The following TPM1 variants were observed in gnomAD, a reference collection of about 807,000 sequenced individuals.
TPM1 encodes tropomyosin 1, also known as tropomyosin alpha-1 chain.
A neutral mutation model predicts 42.9 loss-of-function variants in TPM1; 24 were observed. The ratio of observed to expected loss-of-function variants is 0.56; its 90% CI spans 0.41 to 0.79. The LOEUF (loss-of-function observed/expected upper bound fraction) is 0.79. TPM1 is among the 30% of genes least tolerant of loss of function. TPM1 has a pLI of 0.00. For synonymous variants in TPM1, 136 were observed against 130.1 expected, an observed-to-expected ratio of 1.05 and a Z score of -0.31; for missense variants, 158 against 351.8, an observed-to-expected ratio of 0.45 and a Z score of 4.41.
In TPM1 at chr15:63,043,877, T is replaced by C. The variant is rs938400743; in HGVS notation, c.115-150T>C. 3 of 1,550,338 alleles carry C rather than the reference T, an allele frequency of 1.9e-6. No individual in the cohort carries two copies. The African/African-American group carries it at 4.1e-5, about 21-fold the overall frequency. On this transcript the variant is annotated intron_variant, in intron 1 of 9. Coordinates refer to ENST00000403994, the MANE Select transcript of TPM1 (RefSeq NM_001018005.2). ...GGCGTGGCGCACGAATGGCTAACTC[T>C]TTCTCTTTCTCTCTCTCCCTCCCTG...
intron 8 of TPM1, chr15:63,062,905 G>T: frequency 1.4e-6 from 2 of 1,465,622 alleles, no homozygotes; most frequent in Non-Finnish European, 1.8e-6. Context: ...AGTGTGGCAG[G>T]TTTATTTTTC....
Position 63,066,033 on chromosome 15 carries a change from C to T in TPM1, c.*134C>T. 1.3e-6 allele frequency: 2 copies of T among 1,547,910 alleles called. No individual in the cohort carries two copies. Among genetic ancestry groups the T allele is most frequent in the Non-Finnish European group, 1.7e-6 (2 of 1,147,878 alleles). ...ATCCTGCCTTAGAGCCAGGCACACA[C>T]TGTGCTTTCTATTGTACAGAAGCTC... On this transcript the variant is annotated 3_prime_UTR_variant, in exon 10 of 10. Transcript: ENST00000403994.
At chr15:63,069,841 T>C (rs754561804), downstream of TPM1, 4 of 1,613,876 alleles carry the variant, frequency 2.5e-6, no homozygotes, top group Non-Finnish European at 3.4e-6. Flanking sequence ...CTGCCTCTTT[T>C]CTGCTAACCT....
downstream of TPM1, among the ~76,000 whole-genome samples, chr15:63,066,980 C>T (rs2036313170): frequency 6.6e-6 from 1 of 151,820 alleles, no homozygotes; most frequent in South Asian, 2.1e-4. Flanking sequence ...ATTTCACAAA[C>T]AGCAATTAAG....
intron 9 of TPM1, 50 bp from the exon 10 acceptor site, chr15:63,065,846 T>TC: frequency 6.4e-7 from 1 of 1,572,820 alleles, no homozygotes. Flanking sequence ...TTTTTTTTTT[T>TC]TCTCATTGTG....
chr15:63,064,508 T>C, intron 9 of TPM1: 1 of 1,100,210 alleles, frequency 9.1e-7, no homozygotes. Context: ...TCAAAATTTG[T>C]TTCCTGAAAT....
At position 63,062,576 on chromosome 15, in the gene TPM1, G is replaced by A. The variant is rs2035787414; in HGVS notation, c.703G>A (p.Ala235Thr). The A allele has an allele frequency of 2.5e-6, 4 of 1,614,148 alleles. No individual in the cohort carries two copies. Among genetic ancestry groups the A allele is most frequent in the Non-Finnish European group, 2.5e-6 (3 of 1,180,006 alleles). ...CTTTAACTCAAATAAATCATTACAG[G>A]CTGAGACTCGGGCTGAGTTTGCGGA... ...IKVLSDKLKE[A>T]ETRAEFAERS... The change falls in exon 8 of 10, where the codon GCT (alanine) becomes ACT (threonine). Residue 235 changes from alanine to threonine, a missense_variant and splice_region_variant. Physicochemically the swap from Ala to Thr is moderately conservative, Grantham distance 58. Around this residue, in one of 4 missense-constraint regions of TPM1, gnomAD observed 64 missense variants for 95.8 expected, o/e 0.67. Coordinates refer to ENST00000403994, the MANE Select transcript of TPM1 (RefSeq NM_001018005.2).
intron 9 of TPM1, 195 bp downstream of exon 9, chr15:63,064,337 A>T: frequency 6.9e-7 from 1 of 1,458,530 alleles, no homozygotes; most frequent in Admixed American, 2.4e-5. Flanking sequence ...CTGTCTATAC[A>T]AACCATTTTC....
At chr15:63,059,892 A>G (rs2035368837) in intron 4 of TPM1, 2 of 418,338 alleles carry the variant, frequency 4.8e-6, no homozygotes, top group Non-Finnish European at 9.0e-6. Flanking sequence ...GCCAATCAGT[A>G]GCACTGCGAA....
At chr15:63,062,019 T>C (rs1165156289) in intron 6 of TPM1, 196 bp from the exon 7 acceptor site, 2 of 682,710 alleles carry the variant, frequency 2.9e-6, no homozygotes, top group East Asian at 5.4e-5. Context: ...GGATAAGTTA[T>C]CTTGTTGTTA....
intron 2 of TPM1, chr15:63,044,757 G>T: frequency 5.9e-6 from 1 of 169,852 alleles, no homozygotes; most frequent in Non-Finnish European, 1.3e-5. Flanking sequence ...TGGGTCTGCA[G>T]TCTGAAGGCA....
chr15:63,048,482 G>T, intron 2 of TPM1: 1 of 1,426,516 alleles, frequency 7.0e-7, no homozygotes, highest in East Asian at 2.9e-5. Flanking sequence ...GCGGACCGGC[G>T]CTGGGCAGCC....
chr15:63,059,976 C>A (rs1017037203), intron 4 of TPM1: 2 of 352,818 alleles, frequency 5.7e-6, no homozygotes, highest in Non-Finnish European at 1.1e-5. Context: ...GAGAGTTGGG[C>A]CCTGTGTCTT....
intron 1 of TPM1, 25 bp from the exon 2 acceptor site, chr15:63,044,002 C>T: frequency 1.2e-6 from 2 of 1,611,420 alleles, no homozygotes; most frequent in Non-Finnish European, 1.7e-6. Flanking sequence ...CCCCTCCCTC[C>T]CTGTACCCCC....
chr15:63,062,472 A>G lies in TPM1; in HGVS notation c.703-104A>G, dbSNP rs2035771504. Reference sequence around the variant, plus strand: ...GAAACTGACAAGTAGTTTCTGATCCATTTTATAGGTGATGTGCTTCATTTT... The same window carrying G: ...GAAACTGACAAGTAGTTTCTGATCCGTTTTATAGGTGATGTGCTTCATTTT... On this transcript the variant is annotated intron_variant, in intron 7 of 9. Coordinates refer to ENST00000403994, the MANE Select transcript of TPM1 (RefSeq NM_001018005.2). The G allele has an allele frequency of 3.5e-6, 5 of 1,418,950 alleles. No homozygotes were observed. The South Asian group carries it at 5.8e-5, about 17-fold the overall frequency. The allele number at this position is 1,418,950 out of a possible 1,614,324, so 87.9% of individuals were successfully genotyped here. A position where few individuals can be genotyped will look rare whatever the true frequency, so the allele number is the denominator to read the frequency against.
At chr15:63,062,779 G>C in intron 8 of TPM1, 134 bp downstream of exon 8, 1 of 1,557,690 alleles carries the variant, frequency 6.4e-7, no homozygotes, top group Non-Finnish European at 8.7e-7. Flanking sequence ...GTGTCCTCTG[G>C]GGTTTTTCTC....
At chr15:63,065,401 G>T in intron 9 of TPM1, 1 of 999,672 alleles carries the variant, frequency 1.0e-6, no homozygotes, top group Non-Finnish European at 1.2e-6. Flanking sequence ...AACTTGAAGA[G>T]AGTGGCATGT....
chr15:63,048,782 T>C (rs1183725479), intron 2 of TPM1: 1 of 1,495,130 alleles, frequency 6.7e-7, no homozygotes, highest in Non-Finnish European at 8.9e-7. Flanking sequence ...GCCCTCCTGC[T>C]TCCCCCCCCG....
At position 63,061,228 on chromosome 15, in the gene TPM1, A is replaced by C. The variant is rs200794206; in HGVS notation, c.563+289A>C. On this transcript the variant is annotated intron_variant, in intron 5 of 9. Coordinates refer to ENST00000403994, the MANE Select transcript of TPM1 (RefSeq NM_001018005.2). ...TCCGACAGCTGGAAGAACAATTAAGAATAATGGATCAGACCTTGAAAGCAT... is the reference window on the plus strand; with the variant it reads ...TCCGACAGCTGGAAGAACAATTAAGCATAATGGATCAGACCTTGAAAGCAT... 5 of 1,614,086 alleles carry C rather than the reference A, an allele frequency of 3.1e-6. No homozygotes were observed. The Admixed American group carries it at 8.3e-5, about 27-fold the overall frequency.
Sources: allele counts gnomAD v4.1 joint callset (sites outside exome capture counted in the v4.1 genomes callset), GRCh38; gene constraint gnomAD v4.1.1; regional missense constraint gnomAD v4.1.1; transcripts MANE v1.5; gene names NCBI Gene and HGNC (gene_info 2026-07-23, HGNC 2026-07-21).